Variants in EFHB observed in about 807,000 individuals in gnomAD.
The protein encoded by EFHB is EF-hand domain family member B, also known as EF-hand domain-containing family member B.
In EFHB, 91 loss-of-function variants were observed where a neutral mutation model predicts 87.2. The ratio of observed to expected loss-of-function variants is 1.04; its 90% CI spans 0.88 to 1.24. The LOEUF is 1.24. Among genes scored for constraint, EFHB ranks in the 50% most tolerant of loss-of-function variants. The probability of loss-of-function intolerance (pLI) is 0.00; values close to 1 mark genes in which losing one functional copy is unlikely to be tolerated. For synonymous variants in EFHB, 325 were observed against 333.6 expected (o/e 0.97, Z 0.28); for missense variants, 1,084 against 998.8 (o/e 1.09, Z -1.15).
At chr3:19,895,697 CA>C (rs1694458394) in intron 9 of EFHB, among the ~76,000 whole-genome samples, 1 of 152,040 alleles carries the variant, frequency 6.6e-6, no homozygotes, top group Non-Finnish European at 1.5e-5. Context: ...ATAATCAATA[CA>C]AAATACATGC....
upstream of EFHB, among the ~76,000 whole-genome samples, chr3:19,938,444 G>C (rs1269208190): frequency 6.6e-6 from 1 of 152,190 alleles, no homozygotes; most frequent in South Asian, 2.1e-4. Context: ...AATGCATAAA[G>C]TGTTGATACA....
intron 1 of EFHB, chr3:19,943,011 G>A: frequency 3.3e-6 from 1 of 307,508 alleles, no homozygotes; most frequent in East Asian, 9.1e-5. Flanking sequence ...TGGACCTTGG[G>A]CCTGCCAACA....
chr3:19,933,993 T>G lies in EFHB; in HGVS notation c.26A>C (p.His9Pro). The change falls in exon 1 of 13, where the codon CAC becomes CCC. Residue 9 changes from histidine to proline, a missense_variant. Physicochemically the swap from His to Pro is moderately conservative, Grantham distance 77. Coordinates refer to ENST00000295824, the MANE Select transcript of EFHB (RefSeq NM_144715.4). ...GTCTCCTAAATCATCCTTTCCTTCG[T>G]GGGGATGTCCAATCTCCATGTTCAT... MNMEIGHP[H>P]EGKDDLGDKR... 1 of 1,608,188 alleles carries G rather than the reference T, an allele frequency of 6.2e-7. No homozygotes were observed. The highest frequency in any genetic ancestry group is 1.1e-5 in the South Asian group (1 of 90,454).
intron 9 of EFHB, among the ~76,000 whole-genome samples, chr3:19,893,534 T>C (rs1442840892): frequency 2.0e-5 from 3 of 152,102 alleles, no homozygotes; most frequent in African/African-American, 7.2e-5. Flanking sequence ...TGATATTTTG[T>C]TTTTCAGCCC....
chr3:19,909,825 C>T (rs1159339151), intron 5 of EFHB, among the ~76,000 whole-genome samples: 8 of 152,124 alleles, frequency 5.3e-5, no homozygotes, highest in Non-Finnish European at 1.2e-4. Context: ...CGTTTCTAGA[C>T]ACATCCGGGG....
Position 19,933,549 on chromosome 3 carries a change from A to G in EFHB, c.470T>C (p.Leu157Ser). Residue 157 changes from leucine to serine, a missense_variant, in exon 1 of 13, where the codon TTA becomes TCA. Leu to Ser is a moderately radical substitution (Grantham distance 145). Coordinates refer to ENST00000295824, the MANE Select transcript of EFHB (RefSeq NM_144715.4). ...CATAACGAAAGCAGGCTTTCCCACT[A>G]ATTCCTCTACCCCTTCAGGGCCACT... ...LASGPEGVEE[L>S]VGKPAFVMEP... 6.2e-7 allele frequency: 1 copy of G among 1,613,828 alleles called. No homozygotes were observed. Among genetic ancestry groups the G allele is most frequent in the African/African-American group, 1.3e-5 (1 of 74,972 alleles).
rs1223089569 is a variant in EFHB, at chr3:19,915,399, C to A, written c.1192G>T (p.Asp398Tyr). 4 of 1,607,868 alleles carry A rather than the reference C, an allele frequency of 2.5e-6. No individual in the cohort carries two copies. In the East Asian group the frequency reaches 6.7e-5, roughly 27 times the overall value. Reference protein sequence around the residue: ...TAVIKEYSAKDVVNPPKSYEE... With the variant: ...TAVIKEYSAKYVVNPPKSYEE... ...TAGGATTTTGGTGGATTCACCACAT[C>A]TTTAGCAGAGTATTCTGAAGGAAGA... The change falls in exon 5 of 13, where the codon GAT becomes TAT. Residue 398 changes from aspartate to tyrosine, a missense_variant. Coordinates refer to ENST00000295824, the MANE Select transcript of EFHB (RefSeq NM_144715.4).
intron 4 of EFHB, among the ~76,000 whole-genome samples, chr3:19,917,952 C>A (rs1236653225): frequency 6.6e-6 from 1 of 152,176 alleles, no homozygotes; most frequent in Admixed American, 6.6e-5. Flanking sequence ...CTCTAGCTAG[C>A]CCCAGAGCCA....
chr3:19,933,900 T>C lies in EFHB; in HGVS notation c.119A>G (p.Asp40Gly), dbSNP rs536987176. The C allele has an allele frequency of 6.2e-7, 1 of 1,613,974 alleles. No homozygotes were observed. The highest frequency in any genetic ancestry group is 1.7e-5 in the Admixed American group (1 of 60,022). The change falls in exon 1 of 13, where the codon GAT becomes GGT. Residue 40 changes from aspartate to glycine, a missense_variant. By Grantham distance (94) the Asp-to-Gly change is moderately conservative. Coordinates refer to ENST00000295824, the MANE Select transcript of EFHB (RefSeq NM_144715.4). Reference sequence around the variant, plus strand: ...CACAGGGCTCTCCCCGCATCGGGAATCTTCTTTTCCTAATCCTACTCTGAT... The same window carrying C: ...CACAGGGCTCTCCCCGCATCGGGAACCTTCTTTTCCTAATCCTACTCTGAT... ...LGIRVGLGKE[D>G]SRCGESPVVS...
At chr3:19,891,216 GCTAA>G (rs1364668371) in intron 9 of EFHB, among the ~76,000 whole-genome samples, 1 of 152,004 alleles carries the variant, frequency 6.6e-6, no homozygotes, top group Non-Finnish European at 1.5e-5. Flanking sequence ...ACCACTCCTG[GCTAA>G]CTATTTGTGT....
intron 3 of EFHB, 39 bp downstream of exon 3, chr3:19,919,794 A>G: frequency 6.3e-7 from 1 of 1,580,012 alleles, no homozygotes; most frequent in Non-Finnish European, 8.7e-7. Flanking sequence ...TCACCTTGGT[A>G]AATTAATAAT....
At position 19,912,091 on chromosome 3, in the gene EFHB, A is replaced by G. The variant is rs1389002780; in HGVS notation, c.1288+3212T>C. On this transcript the variant is annotated intron_variant, in intron 5 of 12. Coordinates refer to ENST00000295824, the MANE Select transcript of EFHB (RefSeq NM_144715.4). ...TAGAGAAAGATATCAATATCCAAGT[A>G]CAAGAAGGTTATAGAACACCAAGCA... Among the ~76,000 whole-genome samples, 18 of 152,322 alleles carry G rather than the reference A, an allele frequency of 1.2e-4. No homozygotes were observed. In the East Asian group the frequency reaches 3.5e-3, roughly 29 times the overall value.
rs954919755 is a variant in EFHB, at chr3:19,905,615, C to T, written c.1418+5G>A. 5.5e-5 allele frequency: 88 copies of T among 1,612,908 alleles called. No individual in the cohort carries two copies. Among genetic ancestry groups the T allele is most frequent in the Non-Finnish European group, 7.2e-5 (85 of 1,179,256 alleles). On this transcript the variant is annotated splice_donor_5th_base_variant and intron_variant, in intron 6 of 12. Coordinates refer to ENST00000295824, the MANE Select transcript of EFHB (RefSeq NM_144715.4). The stretch of plus-strand genomic sequence containing the variant: ...TGTTCCTGGGCACAGTATAATTAAA[C>T]TTACATTTGTAGTTCATGGAGCCAA...
chr3:19,924,194 GTTTTC>G (rs1224552936), intron 1 of EFHB, among the ~76,000 whole-genome samples: 2 of 150,372 alleles, frequency 1.3e-5, no homozygotes, highest in East Asian at 3.9e-4. Flanking sequence ...CTGCAAGGAA[GTTTTC>G]TTTTCTCTCT....
chr3:19,919,826 A>C lies in EFHB; in HGVS notation c.996+7T>G. 1 of 1,610,022 alleles carries C rather than the reference A, an allele frequency of 6.2e-7. No individual in the cohort carries two copies. The highest frequency in any genetic ancestry group is 8.5e-7 in the Non-Finnish European group (1 of 1,177,252). ...TAATGTACAAGGAAAAAAAGAAAAT[A>C]ACTTACCAGTACTGAAATTTTAGAT... is the stretch of plus-strand genomic sequence containing the variant. On this transcript the variant is annotated splice_region_variant and intron_variant, in intron 3 of 12. Coordinates refer to ENST00000295824, the MANE Select transcript of EFHB (RefSeq NM_144715.4).
At chr3:19,936,137 T>A, upstream of EFHB, 6 of 1,478,010 alleles carry the variant, frequency 4.1e-6, no homozygotes, top group Non-Finnish European at 5.4e-6. Context: ...ACATAGTCAC[T>A]CACCTGTAAT....
At chr3:19,924,938 T>C (rs1695566195) in intron 1 of EFHB, among the ~76,000 whole-genome samples, 1 of 152,122 alleles carries the variant, frequency 6.6e-6, no homozygotes, top group Non-Finnish European at 1.5e-5. Flanking sequence ...ATACCGCTTC[T>C]AAGCTCTCTT....
rs941265759 is a variant in EFHB at position 19,879,710 on chromosome 3, T to G, written c.2423A>C (p.Glu808Ala). The G allele has an allele frequency of 3.1e-6, 5 of 1,610,776 alleles. No homozygotes were observed. Among genetic ancestry groups the G allele is most frequent in the Non-Finnish European group, 4.2e-6 (5 of 1,179,162 alleles). The change falls in exon 13 of 13, where the codon GAA becomes GCA. Residue 808 changes from glutamate to alanine, a missense_variant. Transcript: ENST00000295824. ...NLASKKHHRGEVCVENIRNVL... is the reference protein window; with the variant it reads ...NLASKKHHRGAVCVENIRNVL... ...ATTTCTGATGTTCTCAACACAAACTTCTCCTCTGTGATGCTTTTTTGATGC... is the reference window on the plus strand; with the variant it reads ...ATTTCTGATGTTCTCAACACAAACTGCTCCTCTGTGATGCTTTTTTGATGC...
At chr3:19,919,090 G>T (rs888994476) in intron 3 of EFHB, among the ~76,000 whole-genome samples, 48 of 152,032 alleles carry the variant, frequency 3.2e-4, no homozygotes, top group African/African-American at 1.1e-3. Context: ...TCTAGACTGT[G>T]CATTCAATCA....
Sources: gnomAD v4.1 joint callset for allele counts (sites outside exome capture counted in the v4.1 genomes callset) on GRCh38, gnomAD v4.1.1 for gene constraint, MANE v1.5 for transcripts, NCBI Gene and HGNC (gene_info 2026-07-23, HGNC 2026-07-21) for gene names.